Variants in CPD observed in about 807,000 individuals in gnomAD.
CPD encodes carboxypeptidase D.
A neutral mutation model predicts 138.3 loss-of-function variants in CPD; 69 were observed. That is an observed-to-expected ratio of 0.50 (90% CI 0.41 to 0.61). CPD has a LOEUF of 0.61. Among genes scored for constraint, CPD ranks in the 20% least tolerant of loss-of-function variants. The probability of loss-of-function intolerance (pLI) is 0.00; values close to 1 mark genes in which losing one functional copy is unlikely to be tolerated. For missense variants in CPD, 1,432 were observed against 1,733.3 expected (o/e 0.83, Z 3.09); for synonymous variants, 651 against 642.1 (o/e 1.01, Z -0.21).
chr17:30,408,853 G>A (rs1195290006), intron 2 of CPD, among the ~76,000 whole-genome samples: 1 of 152,128 alleles, frequency 6.6e-6, no homozygotes, highest in Non-Finnish European at 1.5e-5. Flanking sequence ...TGTTGAACAG[G>A]AGTGGTGAGA....
intron 2 of CPD, among the ~76,000 whole-genome samples, chr17:30,392,672 C>T (rs1175448057): frequency 6.6e-6 from 1 of 152,316 alleles, no homozygotes; most frequent in East Asian, 1.9e-4. Context: ...TTCTTGATCA[C>T]CCTGTGGTAG....
At chr17:30,380,397 T>TAAG in intron 1 of CPD, 2 of 1,001,454 alleles carry the variant, frequency 2.0e-6, no homozygotes, top group Non-Finnish European at 2.5e-6. Flanking sequence ...TGACTCAGCT[T>TAAG]AAGAAGATAT....
At chr17:30,416,101 G>A (rs149763081) in intron 2 of CPD, among the ~76,000 whole-genome samples, 4,085 of 152,284 alleles carry the variant, frequency 0.027, 190 homozygotes, top group African/African-American at 0.093. Context: ...GGGAGGCCAA[G>A]GCGGGCGGAT....
At chr17:30,444,752 G>A (rs999866504) in intron 11 of CPD, among the ~76,000 whole-genome samples, 1 of 152,046 alleles carries the variant, frequency 6.6e-6, no homozygotes, top group Non-Finnish European at 1.5e-5. Context: ...CTTTTGATAA[G>A]TATAGATGTT....
chr17:30,379,730 A>G lies in CPD; in HGVS notation c.746+4A>G. ...TCGAGTGGATCCGCAGGAACAAGTG[A>G]GTGTTGCCTGCCCCCTCCCCGTCCG... On this transcript the variant is annotated splice_donor_region_variant and intron_variant, in intron 1 of 20. Coordinates refer to ENST00000225719, the MANE Select transcript of CPD (RefSeq NM_001304.5). The surrounding 1 kb of genome is among the most constrained non-coding windows in gnomAD (Gnocchi z 7.0). 1 of 1,469,900 alleles carries G rather than the reference A, an allele frequency of 6.8e-7. No homozygotes were observed. The highest frequency in any genetic ancestry group is 8.9e-7 in the Non-Finnish European group (1 of 1,125,662). The allele number at this position is 1,469,900 out of a possible 1,614,324, so 91.1% of individuals were successfully genotyped here.
At chr17:30,384,468 A>ATTTCATAATTTTAT (rs1191193623) in intron 1 of CPD, among the ~76,000 whole-genome samples, 7 of 152,224 alleles carry the variant, frequency 4.6e-5, no homozygotes, top group African/African-American at 1.7e-4. Context: ...TACAAGTCGT[A>ATTTCATAATTTTAT]GACTGAACTA....
intron 11 of CPD, among the ~76,000 whole-genome samples, chr17:30,444,684 C>T (rs1438991874): frequency 3.3e-5 from 5 of 151,764 alleles, no homozygotes; most frequent in Non-Finnish European, 5.9e-5. Flanking sequence ...CCACCACACC[C>T]GACTAATTTT....
intron 13 of CPD, among the ~76,000 whole-genome samples, chr17:30,451,226 G>C (rs189190706): frequency 6.6e-6 from 1 of 152,304 alleles, no homozygotes; most frequent in Non-Finnish European, 1.5e-5. Context: ...AATTGGGAAA[G>C]AATTGATGTC....
intron 1 of CPD, chr17:30,380,601 G>C: frequency 6.6e-7 from 1 of 1,509,692 alleles, no homozygotes; most frequent in Non-Finnish European, 8.8e-7. Flanking sequence ...AGGACCTCAA[G>C]AAATTAGTAT....
Position 30,431,864 on chromosome 17 carries a change from G to A in CPD, c.2110G>A (p.Ala704Thr). 6.2e-7 allele frequency: 1 copy of A among 1,603,682 alleles called. No homozygotes were observed. Among genetic ancestry groups the A allele is most frequent in the Non-Finnish European group, 8.5e-7 (1 of 1,172,926 alleles). The change falls in exon 8 of 21, where the codon GCA becomes ACA. Residue 704 changes from alanine (A) to threonine (T), a missense_variant. Ala to Thr is a moderately conservative substitution (Grantham distance 58). Around this residue, in one of 6 missense-constraint regions of CPD, gnomAD observed 297 missense variants for 405.3 expected, o/e 0.73. Coordinates refer to ENST00000225719, the MANE Select transcript of CPD (RefSeq NM_001304.5). ...SPDDAVFQQI[A>T]LSYSKENSQM... The stretch of plus-strand genomic sequence containing the variant: ...AGATGATGCTGTGTTCCAACAAATA[G>A]CACTTTCTTATTCCAAGGTAGGCTT...
intron 2 of CPD, among the ~76,000 whole-genome samples, chr17:30,402,774 T>C (rs1435119737): frequency 6.6e-6 from 1 of 152,176 alleles, no homozygotes; most frequent in Non-Finnish European, 1.5e-5. Flanking sequence ...TTGAATCTTA[T>C]GCTATGAGAT....
chr17:30,449,852 G>A, intron 13 of CPD, 104 bp downstream of exon 13: 1 of 918,366 alleles, frequency 1.1e-6, no homozygotes, highest in South Asian at 1.9e-5. Context: ...ATTTTACAGA[G>A]TCACTTGTAG....
At chr17:30,404,640 A>G (rs1434435365) in intron 2 of CPD, among the ~76,000 whole-genome samples, 1 of 152,094 alleles carries the variant, frequency 6.6e-6, no homozygotes, top group Non-Finnish European at 1.5e-5. Flanking sequence ...GGTCATACCT[A>G]TTTTAAAGAT....
intron 11 of CPD, among the ~76,000 whole-genome samples, chr17:30,444,516 CTTTTTTTTTTTTT>C (rs34419729): frequency 3.3e-5 from 4 of 120,852 alleles, no homozygotes; most frequent in Non-Finnish European, 6.8e-5. Context: ...ATGCTAGTAA[CTTTTTTTTTTTTT>C]TTTTTTTTTT....
intron 12 of CPD, among the ~76,000 whole-genome samples, chr17:30,447,300 TG>T (rs1410054731): frequency 6.6e-6 from 1 of 152,212 alleles, no homozygotes; most frequent in South Asian, 2.1e-4. Flanking sequence ...AGGGTTTTTA[TG>T]GTTTTAGGTC....
intron 3 of CPD, 108 bp from the exon 4 acceptor site, chr17:30,421,556 A>G (rs1912265857): frequency 1.1e-6 from 1 of 887,886 alleles, no homozygotes; most frequent in Admixed American, 2.5e-5. Context: ...TGGGGGAGAG[A>G]GAAGAGTCAC....
At chr17:30,464,539 A>T in intron 20 of CPD, 49 bp from the exon 21 acceptor site, 1 of 1,480,300 alleles carries the variant, frequency 6.8e-7, no homozygotes, top group Non-Finnish European at 9.4e-7. Flanking sequence ...GCTGCTTATT[A>T]ATATCCTTAA....
In CPD at chr17:30,379,311, G is replaced by A. The variant is rs1245964201; in HGVS notation, c.331G>A (p.Asp111Asn). Residue 111 changes from aspartate (D) to asparagine (N), a missense_variant, in exon 1 of 21, where the codon GAC (aspartate) becomes AAC (asparagine). By Grantham distance (23) the Asp-to-Asn change is conservative. Coordinates refer to ENST00000225719, the MANE Select transcript of CPD (RefSeq NM_001304.5). The surrounding 1 kb of genome is among the most constrained non-coding windows in gnomAD (Gnocchi z 7.0). ...CCTGGGGTCGCTAATCCCTGAGGGC[G>A]ACGCGGGGCCTGACGCTGCCGGGCC... is the stretch of plus-strand genomic sequence containing the variant. Reference protein sequence around the residue: ...AGLGSLIPEGDAGPDAAGPDA... With the variant: ...AGLGSLIPEGNAGPDAAGPDA... The A allele has an allele frequency of 8.0e-6, 12 of 1,499,086 alleles. No individual in the cohort carries two copies. The highest frequency in any genetic ancestry group is 1.1e-5 in the Non-Finnish European group (12 of 1,131,422). 92.9% of individuals were successfully genotyped at this position (1,499,086 alleles called of 1,614,324 possible).
Position 30,379,343 on chromosome 17 carries a change from TG to T in CPD, c.364del (p.Ala122ArgfsTer11). ...AGPDAAGPDA[A>X]GPLLPGRPQV... ...GGCCTGACGCTGCCGGGCCCGACGC[TG>T]CGGGGCCGCTGCTGCCCGGCCGGCC... On this transcript the variant is annotated frameshift_variant, in exon 1 of 21. Transcript: ENST00000225719. LOFTEE classifies it high-confidence loss of function. The surrounding 1 kb of genome is among the most constrained non-coding windows in gnomAD (Gnocchi z 7.0). The T allele has an allele frequency of 6.7e-7, 1 of 1,494,802 alleles. No homozygotes were observed. The highest frequency in any genetic ancestry group is 8.9e-7 in the Non-Finnish European group (1 of 1,129,648). 92.6% of individuals were successfully genotyped at this position (1,494,802 alleles called of 1,614,324 possible). A position where few individuals can be genotyped will look rare whatever the true frequency, so the allele number is the denominator to read the frequency against.
Sources: gnomAD v4.1 joint callset for allele counts (sites outside exome capture counted in the v4.1 genomes callset) on GRCh38, gnomAD v4.1.1 for gene constraint, gnomAD v4.1.1 regional missense constraint, Gnocchi (gnomAD v3.1) non-coding constraint, MANE v1.5 for transcripts, NCBI Gene and HGNC (gene_info 2026-07-23, HGNC 2026-07-21) for gene names.